UVRAG: variants seen among roughly 807,000 people sequenced by gnomAD.
UVRAG encodes UV radiation resistance-associated gene protein.
Under a neutral mutation model 78.0 loss-of-function variants are expected in UVRAG, and 19 were observed. The ratio of observed to expected loss-of-function variants is 0.24; its 90% CI spans 0.17 to 0.36. The LOEUF (loss-of-function observed/expected upper bound fraction) is 0.36, where lower values mean the gene tolerates loss of function less well. UVRAG is among the 10% of genes least tolerant of loss of function. UVRAG has a pLI of 1.00. For synonymous variants in UVRAG, 323 were observed against 324.6 expected (o/e 1.00, Z 0.05); for missense variants, 740 against 853.8 (o/e 0.87, Z 1.66).
intron 11 of UVRAG, among the ~76,000 whole-genome samples, chr11:76,014,201 C>T (rs942294562): frequency 1.3e-5 from 2 of 152,148 alleles, no homozygotes; most frequent in African/African-American, 4.8e-5. Flanking sequence ...TCAAAATATA[C>T]AAATATAATT....
chr11:75,848,287 A>G (rs559967034), intron 1 of UVRAG, among the ~76,000 whole-genome samples: 23 of 152,316 alleles, frequency 1.5e-4, no homozygotes, highest in African/African-American at 5.5e-4. Context: ...GAGAATACTT[A>G]CCCTAATGCT....
chr11:76,035,958 G>A (rs1335149086), intron 12 of UVRAG, among the ~76,000 whole-genome samples: 1 of 152,108 alleles, frequency 6.6e-6, no homozygotes, highest in African/African-American at 2.4e-5. Flanking sequence ...ATCCCTAGGG[G>A]TAGAAAGAAG....
At chr11:75,966,985 C>A (rs1418472853) in intron 7 of UVRAG, among the ~76,000 whole-genome samples, 1 of 152,142 alleles carries the variant, frequency 6.6e-6, no homozygotes, top group African/African-American at 2.4e-5. Flanking sequence ...CCATTTTTCC[C>A]TGGTTCCTCT....
In UVRAG at chr11:75,974,431, A is replaced by G. The variant is rs1280841804; in HGVS notation, c.700-8956A>G. On this transcript the variant is annotated intron_variant, in intron 7 of 14. Coordinates refer to ENST00000356136, the MANE Select transcript of UVRAG (RefSeq NM_003369.4). ...CCGGACTGCGGACTGCAGTGGCGCA[A>G]TCTCGGCTCACTGCAAGCTCCGCTT... Among the ~76,000 whole-genome samples the G allele has an allele frequency of 2.8e-5, 4 of 144,270 alleles. No individual in the cohort carries two copies. In the South Asian group the frequency reaches 6.5e-4, roughly 23 times the overall value. 94.6% of individuals were successfully genotyped at this position (144,270 alleles called of 152,430 possible). A position where few individuals can be genotyped will look rare whatever the true frequency, so the allele number is the denominator to read the frequency against.
At chr11:76,102,553 C>G (rs1313275915) in intron 13 of UVRAG, among the ~76,000 whole-genome samples, 2 of 151,954 alleles carry the variant, frequency 1.3e-5, no homozygotes, top group Admixed American at 1.3e-4. Context: ...GTTAGGATGC[C>G]CTTTATTTAT....
chr11:76,020,413 T>C (rs1950223612), intron 12 of UVRAG, among the ~76,000 whole-genome samples: 1 of 152,034 alleles, frequency 6.6e-6, no homozygotes, highest in Non-Finnish European at 1.5e-5. Flanking sequence ...TACTCCTGGT[T>C]CTTCAGGGCC....
chr11:75,942,751 G>A (rs1375609741), intron 6 of UVRAG, among the ~76,000 whole-genome samples: 1 of 152,130 alleles, frequency 6.6e-6, no homozygotes, highest in African/African-American at 2.4e-5. Flanking sequence ...GAAGCGAATT[G>A]TCTAGTTGAA....
chr11:75,880,255 A>C (rs1946907431), intron 4 of UVRAG, among the ~76,000 whole-genome samples: 1 of 152,202 alleles, frequency 6.6e-6, no homozygotes, highest in Non-Finnish European at 1.5e-5. Context: ...GCCTAGTTTA[A>C]CAAACACCTT....
chr11:75,892,292 A>C (rs774028653), intron 5 of UVRAG: 7 of 980,894 alleles, frequency 7.1e-6, no homozygotes, highest in Non-Finnish European at 8.5e-6. Flanking sequence ...GAGAGGAGTG[A>C]GTGGAGGACA....
At chr11:75,861,696 G>T in intron 2 of UVRAG, 50 bp from the exon 3 acceptor site, 1 of 1,380,626 alleles carries the variant, frequency 7.2e-7, no homozygotes, top group South Asian at 1.2e-5. Flanking sequence ...GTTGGTTAAT[G>T]GGCTTATTTT....
intron 13 of UVRAG, among the ~76,000 whole-genome samples, chr11:76,072,964 G>C (rs1951342164): frequency 6.6e-6 from 1 of 152,162 alleles, no homozygotes; most frequent in Admixed American, 6.5e-5. Context: ...CTGTTTCACT[G>C]TATTGACATT....
intron 13 of UVRAG, among the ~76,000 whole-genome samples, chr11:76,111,132 A>G (rs968443695): frequency 1.3e-5 from 2 of 152,192 alleles, no homozygotes; most frequent in Admixed American, 1.3e-4. Context: ...TCACTTCTCT[A>G]CTAAAATGCT....
At position 76,141,083 on chromosome 11, in the gene UVRAG, C is replaced by G; in HGVS notation, c.1770C>G (p.Ser590=). 1 of 1,614,122 alleles carries G rather than the reference C, an allele frequency of 6.2e-7. No individual in the cohort carries two copies. Among genetic ancestry groups the G allele is most frequent in the Admixed American group, 1.7e-5 (1 of 60,018 alleles). The part of the protein sequence containing the change: ...HPSQEQGEAL[S]GHRATVNGTL... The stretch of plus-strand genomic sequence containing the variant: ...GCCAAGAACAAGGAGAAGCCCTCTC[C>G]GGGCACCGGGCCACAGTCAATGGCA... The change falls in exon 15 of 15, where the codon TCC becomes TCG. Residue 590 remains serine, a synonymous_variant. Coordinates refer to ENST00000356136, the MANE Select transcript of UVRAG (RefSeq NM_003369.4).
chr11:76,071,325 G>A (rs1211359287), intron 13 of UVRAG, among the ~76,000 whole-genome samples: 2 of 152,158 alleles, frequency 1.3e-5, no homozygotes, highest in Non-Finnish European at 2.9e-5. Context: ...GAAGGTCATG[G>A]GAATAGCAAG....
At chr11:76,003,393 G>T (rs1949860547) in intron 8 of UVRAG, among the ~76,000 whole-genome samples, 2 of 136,712 alleles carry the variant, frequency 1.5e-5, no homozygotes, top group South Asian at 4.8e-4. Flanking sequence ...GCTAATTTTT[G>T]TATTTTTAGT....
At chr11:76,119,222 T>C (rs1250234643) in intron 14 of UVRAG, among the ~76,000 whole-genome samples, 3 of 152,178 alleles carry the variant, frequency 2.0e-5, no homozygotes, top group Non-Finnish European at 4.4e-5. Flanking sequence ...CCTGAAACAC[T>C]CTTCCTTGTT....
chr11:75,829,783 T>C (rs996428792), intron 1 of UVRAG, among the ~76,000 whole-genome samples: 3 of 152,244 alleles, frequency 2.0e-5, no homozygotes, highest in East Asian at 1.9e-4. Flanking sequence ...TGTATTCCAG[T>C]AAAAGTTTAA....
intron 12 of UVRAG, among the ~76,000 whole-genome samples, chr11:76,051,502 C>T (rs1375516424): frequency 6.6e-6 from 1 of 152,064 alleles, no homozygotes; most frequent in African/African-American, 2.4e-5. Flanking sequence ...TGGAAGGTTT[C>T]TATAAGGAAA....
chr11:75,962,460 T>A (rs2135207312), intron 7 of UVRAG, among the ~76,000 whole-genome samples: 1 of 152,284 alleles, frequency 6.6e-6, no homozygotes, highest in Middle Eastern at 3.4e-3. Context: ...TCTCATGGAA[T>A]TTGAAATTAA....
Sources: allele counts gnomAD v4.1 joint callset (sites outside exome capture counted in the v4.1 genomes callset), GRCh38; gene constraint gnomAD v4.1.1; transcripts MANE v1.5; gene names NCBI Gene and HGNC (gene_info 2026-07-23, HGNC 2026-07-21).